The following SLC25A26 variants were observed in gnomAD, a reference collection of about 807,000 sequenced individuals.
SLC25A26 encodes solute carrier family 25 member 26.
Under a neutral mutation model 37.8 loss-of-function variants are expected in SLC25A26, and 36 were observed. The ratio of observed to expected loss-of-function variants is 0.95; its 90% CI spans 0.73 to 1.26. The LOEUF is 1.26. Ranked by LOEUF, SLC25A26 falls within the 50% of genes most tolerant of loss-of-function variation. The pLI is 0.00. For missense variants in SLC25A26, 390 were observed against 331.1 expected, an observed-to-expected ratio of 1.18 and a Z score of -1.38; for synonymous variants, 129 against 122.5, an observed-to-expected ratio of 1.05 and a Z score of -0.35.
intron 5 of SLC25A26, among the ~76,000 whole-genome samples, chr3:66,267,076 A>G (rs530833643): frequency 1.3e-5 from 2 of 152,300 alleles, no homozygotes; most frequent in Admixed American, 1.3e-4. Context: ...GCCCTGAAGC[A>G]TTCACTTTCT....
chr3:66,300,967 G>A (rs1421694959), intron 5 of SLC25A26, among the ~76,000 whole-genome samples: 2 of 152,040 alleles, frequency 1.3e-5, no homozygotes, highest in East Asian at 3.8e-4. Flanking sequence ...GGGAATTACG[G>A]CATTGAAAAT....
intron 4 of SLC25A26, among the ~76,000 whole-genome samples, chr3:66,263,070 A>T (rs2073593081): frequency 6.6e-6 from 1 of 152,214 alleles, no homozygotes; most frequent in African/African-American, 2.4e-5. Flanking sequence ...GTAAATATGT[A>T]GTCAGTTTTA....
chr3:66,280,003 C>G (rs2074283939), intron 5 of SLC25A26, among the ~76,000 whole-genome samples: 1 of 152,176 alleles, frequency 6.6e-6, no homozygotes, highest in Admixed American at 6.5e-5. Context: ...GTCAGCTATG[C>G]TATGTTTCAT....
upstream of SLC25A26, among the ~76,000 whole-genome samples, chr3:66,220,339 ATTTG>A (rs1341538164): frequency 5.3e-5 from 8 of 152,336 alleles, no homozygotes; most frequent in South Asian, 4.1e-4. Context: ...TTTACAAGGT[ATTTG>A]TTTGTTTAAT....
intron 9 of SLC25A26, among the ~76,000 whole-genome samples, chr3:66,371,043 A>G (rs980740618): frequency 5.9e-5 from 9 of 152,358 alleles, no homozygotes; most frequent in East Asian, 1.9e-4. Flanking sequence ...ATTAGCATCA[A>G]TTGAGAACCA....
chr3:66,363,583 T>C (rs978159461), intron 7 of SLC25A26, among the ~76,000 whole-genome samples: 14 of 152,342 alleles, frequency 9.2e-5, no homozygotes, highest in Non-Finnish European at 1.5e-5. Context: ...ATAAGTGATA[T>C]GTTTAAAAGC....
intron 3 of SLC25A26, among the ~76,000 whole-genome samples, chr3:66,257,450 C>G (rs142306201): frequency 4.9e-4 from 74 of 152,252 alleles, no homozygotes; most frequent in Non-Finnish European, 1.3e-4. Flanking sequence ...AGACCCTCAG[C>G]CAGACCACTG....
At chr3:66,135,868 T>G (rs1369245739) in intron 1 of SLC25A26, among the ~76,000 whole-genome samples, 3 of 152,224 alleles carry the variant, frequency 2.0e-5, no homozygotes, top group Non-Finnish European at 1.5e-5. Context: ...GAGATATTCT[T>G]TTGGAATATT....
intron 1 of SLC25A26, among the ~76,000 whole-genome samples, chr3:66,229,534 T>A (rs1277196584): frequency 6.6e-6 from 1 of 152,204 alleles, no homozygotes; most frequent in Admixed American, 6.5e-5. Flanking sequence ...CCTCTTGCAC[T>A]CTCTGTGTCC....
intron 3 of SLC25A26, among the ~76,000 whole-genome samples, chr3:66,245,066 T>C (rs1057317155): frequency 2.0e-5 from 3 of 152,140 alleles, no homozygotes; most frequent in Non-Finnish European, 2.9e-5. Flanking sequence ...GTAAGTGATA[T>C]TTATTTTTTG....
rs1014909599 is a variant in SLC25A26, at chr3:66,170,214, C to T, written c.-354+36230C>T. On this transcript the variant is annotated intron_variant, in intron 1 of 10. Coordinates refer to the SLC25A26 transcript ENST00000676754. ...TTGTGTAAGATATGCAAAAATGGAG[C>T]AGGAAATATATTTTGAAAATTGTGC... Among the ~76,000 whole-genome samples the T allele has an allele frequency of 2.0e-5, 3 of 152,222 alleles. No homozygotes were observed. In the East Asian group the frequency reaches 5.8e-4, roughly 29 times the overall value.
chr3:66,238,531 C>A (rs1046018522), intron 2 of SLC25A26, among the ~76,000 whole-genome samples: 16 of 152,014 alleles, frequency 1.1e-4, no homozygotes, highest in African/African-American at 3.9e-4. Flanking sequence ...TACAGGCACA[C>A]GCCACCACAC....
intron 5 of SLC25A26, among the ~76,000 whole-genome samples, chr3:66,335,629 A>G (rs2076077060): frequency 6.6e-6 from 1 of 152,068 alleles, no homozygotes; most frequent in Non-Finnish European, 1.5e-5. Context: ...CCTTTCCTCC[A>G]TTCACTGATG....
intron 1 of SLC25A26, among the ~76,000 whole-genome samples, chr3:66,180,782 T>C (rs144166766): frequency 0.17 from 26,131 of 152,132 alleles, 2,627 homozygotes; most frequent in African/African-American, 0.26. Flanking sequence ...ATTGCTTGTC[T>C]GTTATGGAAT....
rs1005985533 is a variant in SLC25A26 at position 66,378,851 on chromosome 3, C to T, written c.*1044C>T. Reference sequence around the variant, plus strand: ...ACACTTCAATGCCATTTGTTAGACACTTCAATATTTTACATGGTTTTCAAT... The same window carrying T: ...ACACTTCAATGCCATTTGTTAGACATTTCAATATTTTACATGGTTTTCAAT... On this transcript the variant is annotated 3_prime_UTR_variant, in exon 10 of 10. Coordinates refer to ENST00000354883, the MANE Select transcript of SLC25A26 (RefSeq NM_001379210.1). The T allele has an allele frequency of 6.6e-6, 1 of 152,544 alleles. No individual in the cohort carries two copies. Among genetic ancestry groups the T allele is most frequent in the Non-Finnish European group, 1.5e-5 (1 of 68,032 alleles). 9.4% of individuals were successfully genotyped at this position (152,544 alleles called of 1,614,324 possible). A position where few individuals can be genotyped will look rare whatever the true frequency, so the allele number is the denominator to read the frequency against.
intron 5 of SLC25A26, among the ~76,000 whole-genome samples, chr3:66,318,689 C>T (rs80221339): frequency 0.047 from 7,105 of 151,850 alleles, 219 homozygotes; most frequent in Non-Finnish European, 0.072. Context: ...GAGACAGGCT[C>T]GGAGACTCTG....
chr3:66,215,770 C>T (rs955594455), intron 1 of SLC25A26, among the ~76,000 whole-genome samples: 8 of 152,186 alleles, frequency 5.3e-5, no homozygotes, highest in Non-Finnish European at 1.2e-4. Flanking sequence ...CTACCCTTTG[C>T]AGATGGATTG....
intron 5 of SLC25A26, among the ~76,000 whole-genome samples, chr3:66,271,472 G>A (rs544677090): frequency 2.2e-4 from 34 of 152,262 alleles, no homozygotes; most frequent in Middle Eastern, 3.4e-3. Flanking sequence ...GAACTATGAA[G>A]AAGGGGAAGG....
At position 66,377,728 on chromosome 3, in the gene SLC25A26, G is replaced by A. The variant is rs764950889; in HGVS notation, c.746G>A (p.Ser249Asn). ...AGVFPRMAAI[S>N]LGGFIFLGAY... is the part of the protein sequence containing the mutation. Reference sequence around the variant, plus strand: ...GTCTTCCCTCGAATGGCAGCCATCAGTCTGGGAGGTTTCATCTTTCTGGGG... The same window carrying A: ...GTCTTCCCTCGAATGGCAGCCATCAATCTGGGAGGTTTCATCTTTCTGGGG... The change falls in exon 10 of 10, where the codon AGT becomes AAT. Residue 249 changes from serine (S) to asparagine (N), a missense_variant. Transcript: ENST00000354883. The A allele has an allele frequency of 1.9e-6, 3 of 1,613,892 alleles. No homozygotes were observed.
Sources: allele counts gnomAD v4.1 joint callset (sites outside exome capture counted in the v4.1 genomes callset), GRCh38; gene constraint gnomAD v4.1.1; transcripts MANE v1.5; gene names NCBI Gene and HGNC (gene_info 2026-07-23, HGNC 2026-07-21).